The following LRRK2 variants were observed in gnomAD, a reference collection of about 807,000 sequenced individuals.
LRRK2 encodes leucine-rich repeat serine/threonine-protein kinase 2.
In LRRK2, 203 loss-of-function variants were observed where a neutral mutation model predicts 302.6. That is an observed-to-expected ratio of 0.67 (90% confidence interval 0.60 to 0.75). The LOEUF is 0.75. Ranked by LOEUF, LRRK2 falls within the 30% of genes least tolerant of loss-of-function variation. The pLI, the probability that LRRK2 is intolerant of heterozygous loss-of-function variation, is 0.00. For synonymous variants in LRRK2, 1,066 were observed against 1,031.9 expected (o/e 1.03, Z -0.63); for missense variants, 2,830 against 2,951.0 (o/e 0.96, Z 0.95).
intron 39 of LRRK2, among the ~76,000 whole-genome samples, chr12:40,333,494 C>T (rs553243266): frequency 1.3e-5 from 2 of 152,000 alleles, no homozygotes; most frequent in African/African-American, 2.4e-5. Flanking sequence ...CAGTATAAAG[C>T]GAATCTGGAA....
chr12:40,315,431 G>A (rs1179970892), intron 33 of LRRK2, 131 bp downstream of exon 33: 2 of 765,458 alleles, frequency 2.6e-6, no homozygotes, highest in African/African-American at 1.7e-5. Context: ...GAAAACTGTG[G>A]AACATTTCAC....
rs35906443 is a variant in LRRK2, at chr12:40,234,369, C to CTTTT, written c.348-1231_348-1228dup. Among the ~76,000 whole-genome samples, 88 of 43,074 alleles carry CTTTT rather than the reference C, an allele frequency of 2.0e-3. 7 individuals are homozygous for CTTTT. Among genetic ancestry groups the CTTTT allele is most frequent in the African/African-American group, 4.4e-3 (46 of 10,536 alleles). The allele number at this position is 43,074 out of a possible 152,430, so 28.3% of individuals were successfully genotyped here. A position where few individuals can be genotyped will look rare whatever the true frequency, so the allele number is the denominator to read the frequency against. The stretch of plus-strand genomic sequence containing the variant: ...AAACATTATTGATATGCTAAATTCA[C>CTTTT]TTTTTTTTTTTTTTTTTTTTTTTTT... On this transcript the variant is annotated intron_variant, in intron 3 of 50. Transcript: ENST00000298910.
rs765665659 is a variant in LRRK2 at position 40,259,461 on chromosome 12, G to A, written c.1419-19G>A. On this transcript the variant is annotated intron_variant, in intron 12 of 50. Transcript: ENST00000298910. ...ATCAGATCAGTCTTTCAATAAGCAT[G>A]CCAATTTTATATCCCCAGCAACACT... 6.2e-7 allele frequency: 1 copy of A among 1,612,524 alleles called. No individual in the cohort carries two copies. The highest frequency in any genetic ancestry group is 8.5e-7 in the Non-Finnish European group (1 of 1,178,984).
chr12:40,365,781 G>A (rs1238708445), intron 49 of LRRK2: 4 of 151,934 alleles, frequency 2.6e-5, no homozygotes, highest in Non-Finnish European at 5.9e-5. Flanking sequence ...TTCATTGCAA[G>A]TATATGTGAA....
Position 40,298,288 on chromosome 12 carries a change from A to T in LRRK2, c.3142A>T (p.Thr1048Ser). The change falls in exon 24 of 51, where the codon ACA (threonine) becomes TCA (serine). Residue 1048 changes from threonine (T) to serine (S), a missense_variant. Thr to Ser is a moderately conservative substitution (Grantham distance 58). Transcript: ENST00000298910. ...THLDLHSNKF[T>S]SFPSYLLKMS... ...TTTGGACTTGCACAGTAATAAATTT[A>T]CATCATTTCCTTCTTATTTGTTGAA... The T allele has an allele frequency of 6.2e-7, 1 of 1,613,670 alleles. No homozygotes were observed. The highest frequency in any genetic ancestry group is 8.5e-7 in the Non-Finnish European group (1 of 1,179,744).
chr12:40,267,284 CTTT>C (rs1943059367), intron 14 of LRRK2, among the ~76,000 whole-genome samples: 1 of 152,210 alleles, frequency 6.6e-6, no homozygotes, highest in South Asian at 2.1e-4. Flanking sequence ...TGGTTACTTC[CTTT>C]TAATACCTAT....
At chr12:40,288,231 A>G (rs1439707687) in intron 20 of LRRK2, among the ~76,000 whole-genome samples, 1 of 151,812 alleles carries the variant, frequency 6.6e-6, no homozygotes, top group East Asian at 1.9e-4. Context: ...ACCATTTTTA[A>G]AAATCAAGTG....
At chr12:40,305,727 G>A in intron 27 of LRRK2, 58 bp from the exon 28 acceptor site, 6 of 1,463,334 alleles carry the variant, frequency 4.1e-6, no homozygotes, top group Non-Finnish European at 5.7e-6. Context: ...CACGTTTTTT[G>A]GCAGAGCACA....
At chr12:40,367,175 G>A in intron 50 of LRRK2, 98 bp downstream of exon 50, 2 of 981,540 alleles carry the variant, frequency 2.0e-6, no homozygotes, top group Admixed American at 4.4e-5. Context: ...TATTACATAT[G>A]GTATAATCAG....
intron 35 of LRRK2, among the ~76,000 whole-genome samples, chr12:40,321,751 TATG>T (rs1945408593): frequency 6.6e-6 from 1 of 152,046 alleles, no homozygotes; most frequent in Non-Finnish European, 1.5e-5. Context: ...TTTTAAAAAT[TATG>T]AGGATTTATT....
rs1592351285 is a variant in LRRK2, at chr12:40,364,492, T to C, written c.7182-350T>C. Among the ~76,000 whole-genome samples the C allele has an allele frequency of 2.0e-5, 3 of 151,040 alleles. No individual in the cohort carries two copies. In the Admixed American group the frequency reaches 2.0e-4, roughly 10 times the overall value. On this transcript the variant is annotated intron_variant, in intron 48 of 50. Coordinates refer to ENST00000298910, the MANE Select transcript of LRRK2 (RefSeq NM_198578.4). ...TTATGTTCCTTTGTAACATTGAGAC[T>C]TCATGTAAAACTTTTGACTCTAACT...
chr12:40,367,925 C>A lies in LRRK2; in HGVS notation c.*160C>A. ...TTTAATTTAAATATATGTAAAAATA[C>A]TTACCAGTAAATGTGTATTTTAAAG... On this transcript the variant is annotated 3_prime_UTR_variant, in exon 51 of 51. Transcript: ENST00000298910. The A allele has an allele frequency of 1.9e-6, 1 of 517,324 alleles. No individual in the cohort carries two copies. Among genetic ancestry groups the A allele is most frequent in the Non-Finnish European group, 3.2e-6 (1 of 309,930 alleles). 32.0% of individuals were successfully genotyped at this position (517,324 alleles called of 1,614,324 possible).
chr12:40,359,316 G>A lies in LRRK2; in HGVS notation c.6900G>A (p.Leu2300=), dbSNP rs906855468. Residue 2300 remains leucine, a synonymous_variant, in exon 47 of 51, where the codon TTG becomes TTA. Coordinates refer to ENST00000298910, the MANE Select transcript of LRRK2 (RefSeq NM_198578.4). ...ILNIGNVSTP[L]MCLSESTNST... is the part of the protein sequence containing the mutation. The stretch of plus-strand genomic sequence containing the variant: ...ATATAGGAAATGTCAGTACTCCATT[G>A]ATGTGTTTGAGTGAATCCACAAATT... 6.2e-6 allele frequency: 10 copies of A among 1,612,640 alleles called. No individual in the cohort carries two copies. The Admixed American group carries it at 8.4e-5, about 13-fold the overall frequency.
intron 31 of LRRK2, among the ~76,000 whole-genome samples, chr12:40,313,359 G>A (rs1945097781): frequency 6.6e-6 from 1 of 151,926 alleles, no homozygotes; most frequent in African/African-American, 2.4e-5. Context: ...GATTCTAAGA[G>A]CAACAGAACA....
chr12:40,331,597 C>CAA lies in LRRK2; in HGVS notation c.5757+3146_5757+3147dup, dbSNP rs11461395. Among the ~76,000 whole-genome samples the CAA allele has an allele frequency of 8.0e-3, 1,197 of 150,530 alleles. 22 individuals are homozygous for CAA. The highest frequency in any genetic ancestry group is 0.026 in the African/African-American group (1,064 of 41,010). ...ATAGCTGATGAGCTTAAAAAAATTA[C>CAA]AAAAAAAAAATCTCATAATGTTTTA... On this transcript the variant is annotated intron_variant, in intron 39 of 50. Transcript: ENST00000298910.
intron 16 of LRRK2, among the ~76,000 whole-genome samples, chr12:40,277,632 A>G (rs1943515518): frequency 6.6e-6 from 1 of 152,194 alleles, no homozygotes; most frequent in African/African-American, 2.4e-5. Flanking sequence ...TGAGGGTATT[A>G]GTTCTTTTTC....
chr12:40,301,994 T>C (rs1005794784), intron 25 of LRRK2, among the ~76,000 whole-genome samples: 2 of 152,044 alleles, frequency 1.3e-5, no homozygotes, highest in Admixed American at 6.6e-5. Flanking sequence ...CTGGCTAACA[T>C]GGTGAAACCC....
At chr12:40,333,310 C>G (rs1945770736) in intron 39 of LRRK2, among the ~76,000 whole-genome samples, 1 of 152,142 alleles carries the variant, frequency 6.6e-6, no homozygotes. Flanking sequence ...TTGCAGAATT[C>G]TCCATGTTTC....
At chr12:40,361,413 G>A (rs1365768) in intron 47 of LRRK2, among the ~76,000 whole-genome samples, 4,908 of 152,056 alleles carry the variant, frequency 0.032, 226 homozygotes, top group Admixed American at 0.12. Context: ...AGTATAGTGC[G>A]TGATGCTGAG....
Sources: allele counts gnomAD v4.1 joint callset (sites outside exome capture counted in the v4.1 genomes callset), GRCh38; gene constraint gnomAD v4.1.1; transcripts MANE v1.5; gene names NCBI Gene and HGNC (gene_info 2026-07-23, HGNC 2026-07-21).